The following PKN2 variants were observed in gnomAD, a reference collection of about 807,000 sequenced individuals.
The protein encoded by PKN2 is serine/threonine-protein kinase N2.
Under a neutral mutation model 119.1 loss-of-function variants are expected in PKN2, and 38 were observed. That is an observed-to-expected ratio of 0.32 (90% CI 0.25 to 0.42). PKN2 has a LOEUF of 0.42. Ranked by LOEUF, PKN2 falls within the 10% of genes least tolerant of loss-of-function variation. The probability of loss-of-function intolerance (pLI) is 1.00; values close to 1 mark genes in which losing one functional copy is unlikely to be tolerated. For synonymous variants in PKN2, 390 were observed against 384.9 expected (o/e 1.01, Z -0.15); for missense variants, 850 against 1,165.1 (o/e 0.73, Z 3.94).
At chr1:88,826,387 A>G (rs552793596) in intron 18 of PKN2, among the ~76,000 whole-genome samples, 92 of 152,234 alleles carry the variant, frequency 6.0e-4, no homozygotes, top group Middle Eastern at 6.8e-3. Flanking sequence ...TAACAATCGT[A>G]TGAAGGTAGA....
intron 15 of PKN2, among the ~76,000 whole-genome samples, chr1:88,808,222 T>A (rs765910408): frequency 8.5e-5 from 13 of 152,176 alleles, no homozygotes; most frequent in Admixed American, 2.6e-4. Flanking sequence ...TTATTTTTTT[T>A]AAAAACATGT....
At position 88,771,835 on chromosome 1, in the gene PKN2, C is replaced by T. The variant is rs540999973; in HGVS notation, c.941C>T (p.Thr314Met). ...AGTCCACGTCAAAGTATGATATCTACGCAAAATCAATATAGTACACTATCC... is the reference window on the plus strand; with the variant it reads ...AGTCCACGTCAAAGTATGATATCTATGCAAAATCAATATAGTACACTATCC... Reference protein sequence around the residue: ...TLSPRQSMISTQNQYSTLSKP... With the variant: ...TLSPRQSMISMQNQYSTLSKP... Residue 314 changes from threonine (T) to methionine (M), a missense_variant, in exon 6 of 22, where the codon ACG (threonine) becomes ATG (methionine). Physicochemically the swap from Thr to Met is moderately conservative, Grantham distance 81. This residue lies in a region of PKN2 where 350 missense variants were observed against 511.1 expected (regional missense o/e 0.68). Coordinates refer to ENST00000370521, the MANE Select transcript of PKN2 (RefSeq NM_006256.4). 85 of 1,613,858 alleles carry T rather than the reference C, an allele frequency of 5.3e-5. 1 individual carries two copies. The highest frequency in any genetic ancestry group is 3.1e-4 in the South Asian group (28 of 91,076).
intron 3 of PKN2, among the ~76,000 whole-genome samples, chr1:88,768,627 G>A (rs918239912): frequency 2.0e-5 from 3 of 152,172 alleles, no homozygotes; most frequent in Non-Finnish European, 2.9e-5. Flanking sequence ...GCCATGTAAC[G>A]TAACTTACCA....
intron 1 of PKN2, among the ~76,000 whole-genome samples, chr1:88,727,558 T>G (rs1422430275): frequency 6.6e-6 from 1 of 152,266 alleles, no homozygotes; most frequent in African/African-American, 2.4e-5. Context: ...ATTATTGGTA[T>G]GTGAGGGCTT....
At chr1:88,691,566 T>G (rs1666335874) in intron 1 of PKN2, among the ~76,000 whole-genome samples, 1 of 152,168 alleles carries the variant, frequency 6.6e-6, no homozygotes, top group African/African-American at 2.4e-5. Context: ...TGTCAATCAT[T>G]TTAATAAGTA....
intron 8 of PKN2, among the ~76,000 whole-genome samples, chr1:88,804,066 G>C (rs1379542451): frequency 1.3e-5 from 2 of 152,164 alleles, no homozygotes; most frequent in African/African-American, 4.8e-5. Context: ...AAATCTGAAA[G>C]ATTGAAGCTC....
intron 6 of PKN2, 78 bp from the exon 7 acceptor site, chr1:88,784,561 A>C (rs1197657282): frequency 1.2e-6 from 1 of 850,096 alleles, no homozygotes; most frequent in African/African-American, 1.8e-5. Flanking sequence ...TCTTTTTTTG[A>C]ATAGGTAAGA....
intron 6 of PKN2, among the ~76,000 whole-genome samples, chr1:88,775,535 A>G (rs1339355057): frequency 6.6e-6 from 1 of 152,004 alleles, no homozygotes; most frequent in African/African-American, 2.4e-5. Flanking sequence ...GGTTGCTTCC[A>G]GGTTTTGGCA....
At chr1:88,712,719 C>T (rs538593563) in intron 1 of PKN2, among the ~76,000 whole-genome samples, 1 of 152,120 alleles carries the variant, frequency 6.6e-6, no homozygotes, top group East Asian at 1.9e-4. Flanking sequence ...GTGAAGATTC[C>T]AGTTGACTAT....
intron 8 of PKN2, 80 bp from the exon 9 acceptor site, chr1:88,804,311 A>G: frequency 9.0e-7 from 1 of 1,109,810 alleles, no homozygotes; most frequent in Non-Finnish European, 1.3e-6. Flanking sequence ...TGTATTTCAT[A>G]TTTTTTGTGA....
intron 1 of PKN2, among the ~76,000 whole-genome samples, chr1:88,703,416 A>C (rs1327688619): frequency 6.6e-6 from 1 of 152,078 alleles, no homozygotes; most frequent in Non-Finnish European, 1.5e-5. Context: ...TAATCTTAAG[A>C]GATATTGGCT....
At chr1:88,722,815 T>G (rs1667736880) in intron 1 of PKN2, among the ~76,000 whole-genome samples, 1 of 150,800 alleles carries the variant, frequency 6.6e-6, no homozygotes, top group South Asian at 2.1e-4. Context: ...ACGAAAAAAA[T>G]TATTGATTGA....
At chr1:88,792,343 C>G (rs1158768141) in intron 8 of PKN2, among the ~76,000 whole-genome samples, 2 of 152,156 alleles carry the variant, frequency 1.3e-5, no homozygotes, top group Non-Finnish European at 2.9e-5. Flanking sequence ...GCAGAGGTTG[C>G]AGTGAGCCAA....
chr1:88,713,332 A>T (rs1667318059), intron 1 of PKN2, among the ~76,000 whole-genome samples: 1 of 152,140 alleles, frequency 6.6e-6, no homozygotes, highest in African/African-American at 2.4e-5. Context: ...CTAGTTCTAG[A>T]TCCTTGAGGA....
In PKN2 at chr1:88,807,353, G is replaced by A; in HGVS notation, c.1844G>A (p.Ser615Asn). 6.3e-7 allele frequency: 1 copy of A among 1,589,130 alleles called. No individual in the cohort carries two copies. The highest frequency in any genetic ancestry group is 8.6e-7 in the Non-Finnish European group (1 of 1,159,406). The change falls in exon 13 of 22, where the codon AGT becomes AAT. Residue 615 changes from serine to asparagine, a missense_variant. Transcript: ENST00000370521. ...TVFDIQNDRNSILPKSQSEYK... is the reference protein window; with the variant it reads ...TVFDIQNDRNNILPKSQSEYK... Reference sequence around the variant, plus strand: ...TTTGATATTCAGAATGACAGAAATAGTATACTTCCAAAATCTCAATCTGAA... The same window carrying A: ...TTTGATATTCAGAATGACAGAAATAATATACTTCCAAAATCTCAATCTGAA...
chr1:88,737,267 C>T (rs534803173), intron 1 of PKN2, among the ~76,000 whole-genome samples: 2 of 152,192 alleles, frequency 1.3e-5, no homozygotes, highest in East Asian at 3.9e-4. Context: ...AGTGATGTAC[C>T]CCTGAGTCTA....
At chr1:88,800,763 C>T (rs1570650644) in intron 8 of PKN2, among the ~76,000 whole-genome samples, 1 of 152,198 alleles carries the variant, frequency 6.6e-6, no homozygotes, top group South Asian at 2.1e-4. Flanking sequence ...TTCTACCACA[C>T]ATAAGGCTGA....
At chr1:88,698,959 A>C (rs956530659) in intron 1 of PKN2, among the ~76,000 whole-genome samples, 3 of 152,216 alleles carry the variant, frequency 2.0e-5, no homozygotes, top group Non-Finnish European at 2.9e-5. Context: ...ACTCTGCACA[A>C]AAATGAGAGT....
intron 6 of PKN2, among the ~76,000 whole-genome samples, chr1:88,782,759 A>G (rs775088696): frequency 6.6e-6 from 1 of 152,104 alleles, no homozygotes; most frequent in Non-Finnish European, 1.5e-5. Flanking sequence ...TAACCCTAAC[A>G]TTTATGTCAG....
Sources: gnomAD v4.1 joint callset for allele counts (sites outside exome capture counted in the v4.1 genomes callset) on GRCh38, gnomAD v4.1.1 for gene constraint, gnomAD v4.1.1 regional missense constraint, MANE v1.5 for transcripts, NCBI Gene and HGNC (gene_info 2026-07-23, HGNC 2026-07-21) for gene names.